Variants in MTUS2 observed in about 807,000 individuals in gnomAD.
MTUS2 encodes microtubule associated scaffold protein 2.
Under a neutral mutation model 114.1 loss-of-function variants are expected in MTUS2, and 40 were observed. That is an observed-to-expected ratio of 0.35 (90% CI 0.27 to 0.46). The LOEUF is 0.46. Ranked by LOEUF, MTUS2 falls within the 20% of genes least tolerant of loss-of-function variation. The pLI is 1.00. For synonymous variants in MTUS2, 688 were observed against 672.0 expected (o/e 1.02, Z -0.37); for missense variants, 1,679 against 1,705.4 (o/e 0.98, Z 0.27).
intron 8 of MTUS2, among the ~76,000 whole-genome samples, chr13:29,414,343 A>G (rs1875488222): frequency 9.1e-6 from 1 of 109,516 alleles, no homozygotes; most frequent in Non-Finnish European, 1.8e-5. Flanking sequence ...ATTGGGAGAT[A>G]TACCTAATGC....
At chr13:28,851,820 A>AGC (rs10622511) in intron 2 of MTUS2, among the ~76,000 whole-genome samples, 115,693 of 151,868 alleles carry the variant, frequency 0.76, 44,812 homozygotes, top group Non-Finnish European at 0.82. Flanking sequence ...AGCAGGACTT[A>AGC]GCGCCCAGCT....
At chr13:28,992,994 A>G (rs1383360183) in intron 2 of MTUS2, among the ~76,000 whole-genome samples, 6 of 152,152 alleles carry the variant, frequency 3.9e-5, no homozygotes, top group African/African-American at 1.4e-4. Context: ...CACCACCAGT[A>G]TGTGTTTTTT....
At chr13:29,006,368 T>C (rs974495130) in intron 2 of MTUS2, among the ~76,000 whole-genome samples, 5 of 152,348 alleles carry the variant, frequency 3.3e-5, no homozygotes, top group South Asian at 2.1e-4. Context: ...TCTGAACATA[T>C]AGTTTTTTAA....
In MTUS2 at chr13:29,102,520, A is replaced by G. The variant is rs190316347; in HGVS notation, c.2644+1550A>G. Among the ~76,000 whole-genome samples, 662 of 152,296 alleles carry G rather than the reference A, an allele frequency of 4.3e-3. 4 individuals carry two copies. Among genetic ancestry groups the G allele is most frequent in the Middle Eastern group, 0.014 (4 of 294 alleles). On this transcript the variant is annotated intron_variant, in intron 5 of 15. Coordinates refer to ENST00000612955, the MANE Select transcript of MTUS2 (RefSeq NM_001033602.4). ...AGAGGATACTAGAGAGGGACCCCTGAGCACCCAGGGGATAAGAGCTGTATG... is the reference window on the plus strand; with the variant it reads ...AGAGGATACTAGAGAGGGACCCCTGGGCACCCAGGGGATAAGAGCTGTATG...
At chr13:29,373,398 C>G (rs982552461) in intron 8 of MTUS2, among the ~76,000 whole-genome samples, 5 of 152,114 alleles carry the variant, frequency 3.3e-5, no homozygotes, top group African/African-American at 7.2e-5. Context: ...AAAGGCCCAG[C>G]TTTTTGGCTC....
intron 15 of MTUS2, 50 bp from the exon 16 acceptor site, chr13:29,502,943 T>C (rs1883002341): frequency 3.8e-6 from 6 of 1,582,918 alleles, no homozygotes; most frequent in African/African-American, 1.3e-5. Flanking sequence ...GACCTCAGGT[T>C]CAGTGTCCAC....
chr13:29,195,357 A>G (rs1034215953), intron 5 of MTUS2, among the ~76,000 whole-genome samples: 2 of 151,988 alleles, frequency 1.3e-5, no homozygotes, highest in Admixed American at 6.6e-5. Flanking sequence ...TATTTCCTAA[A>G]TGACAGATGA....
intron 2 of MTUS2, among the ~76,000 whole-genome samples, chr13:29,016,576 A>AT (rs911842826): frequency 5.3e-5 from 8 of 152,070 alleles, no homozygotes; most frequent in Non-Finnish European, 7.4e-5. Flanking sequence ...TTATGTATAT[A>AT]TTCTTCTTTA....
intron 2 of MTUS2, among the ~76,000 whole-genome samples, chr13:28,979,656 T>A (rs1408486642): frequency 3.3e-5 from 5 of 152,046 alleles, no homozygotes; most frequent in African/African-American, 1.2e-4. Flanking sequence ...TATCTTGGAG[T>A]CAGTTCCATG....
At chr13:29,151,475 T>A (rs559732531) in intron 5 of MTUS2, among the ~76,000 whole-genome samples, 1 of 152,314 alleles carries the variant, frequency 6.6e-6, no homozygotes, top group Non-Finnish European at 1.5e-5. Flanking sequence ...TATGATCGTA[T>A]CAGTGAAGAG....
intron 9 of MTUS2, among the ~76,000 whole-genome samples, chr13:29,476,197 G>A (rs1240079098): frequency 6.6e-6 from 1 of 152,094 alleles, no homozygotes; most frequent in Non-Finnish European, 1.5e-5. Context: ...ATATGGCCTC[G>A]GTGGGTAGTA....
chr13:29,007,878 G>C (rs193259077), intron 2 of MTUS2, among the ~76,000 whole-genome samples: 1 of 152,128 alleles, frequency 6.6e-6, no homozygotes, highest in Non-Finnish European at 1.5e-5. Flanking sequence ...TAAGTTTTGG[G>C]GGAATCAAAA....
chr13:29,245,082 T>G (rs555325958), intron 5 of MTUS2, among the ~76,000 whole-genome samples: 1 of 151,998 alleles, frequency 6.6e-6, no homozygotes, highest in African/African-American at 2.4e-5. Flanking sequence ...AGGGTTAAGT[T>G]TGAGCTGTTA....
At chr13:29,398,302 A>C (rs1483414348) in intron 8 of MTUS2, among the ~76,000 whole-genome samples, 3 of 151,954 alleles carry the variant, frequency 2.0e-5, no homozygotes, top group Non-Finnish European at 4.4e-5. Context: ...CTCTAGTAAA[A>C]ATGCAAAATT....
At chr13:29,123,494 A>G (rs748348044) in intron 5 of MTUS2, among the ~76,000 whole-genome samples, 3 of 152,124 alleles carry the variant, frequency 2.0e-5, no homozygotes, top group East Asian at 3.9e-4. Context: ...AGAATAGCGG[A>G]CCACTTGAGG....
chr13:28,962,127 T>A (rs964884406), intron 2 of MTUS2, among the ~76,000 whole-genome samples: 1 of 151,598 alleles, frequency 6.6e-6, no homozygotes, highest in African/African-American at 2.4e-5. Flanking sequence ...ATCTGAAAAA[T>A]ATACATTTTT....
At chr13:29,369,827 T>C (rs1170956968) in intron 8 of MTUS2, among the ~76,000 whole-genome samples, 1 of 152,232 alleles carries the variant, frequency 6.6e-6, no homozygotes. Context: ...GGAGGTGATA[T>C]TATTTCTCAA....
intron 4 of MTUS2, among the ~76,000 whole-genome samples, chr13:29,093,879 T>G (rs1398645181): frequency 1.3e-5 from 2 of 152,166 alleles, no homozygotes; most frequent in Non-Finnish European, 2.9e-5. Flanking sequence ...AGCTGTAGGT[T>G]TTTCCAATAA....
intron 9 of MTUS2, among the ~76,000 whole-genome samples, chr13:29,441,108 A>G (rs1877811906): frequency 6.6e-6 from 1 of 152,160 alleles, no homozygotes; most frequent in Non-Finnish European, 1.5e-5. Context: ...AACAAATAAC[A>G]GGCCCCTTCC....
Sources: gnomAD v4.1 joint callset for allele counts (sites outside exome capture counted in the v4.1 genomes callset) on GRCh38, gnomAD v4.1.1 for gene constraint, MANE v1.5 for transcripts, NCBI Gene and HGNC (gene_info 2026-07-23, HGNC 2026-07-21) for gene names.